Variants in NRF1 observed in about 807,000 individuals in gnomAD.
The protein encoded by NRF1 is nuclear respiratory factor 1.
NRF1 carries 5 observed loss-of-function variants against 58.5 expected under a neutral mutation model. The ratio of observed to expected loss-of-function variants is 0.09; its 90% CI spans 0.04 to 0.18. NRF1 has a LOEUF of 0.18. NRF1 is among the 10% of genes least tolerant of loss of function. The pLI is 1.00. For synonymous variants in NRF1, 224 were observed against 246.7 expected, an observed-to-expected ratio of 0.91 and a Z score of 0.86; for missense variants, 288 against 657.7, an observed-to-expected ratio of 0.44 and a Z score of 6.15.
rs530722916 is a variant in NRF1, at chr7:129,706,765, C to G, written c.607-2310C>G. 2.1e-3 allele frequency among the ~76,000 whole-genome samples: 312 copies of G among 152,128 alleles called. 3 individuals are homozygous for G. Among genetic ancestry groups the G allele is most frequent in the African/African-American group, 6.7e-3 (280 of 41,516 alleles). ...TCCACGTCCAGGTGCCAACGTGACC[C>G]AGAACTGAGGAGCATAAGGAACTAT... On this transcript the variant is annotated intron_variant, in intron 5 of 10. Transcript: ENST00000393232.
At position 129,690,910 on chromosome 7, in the gene NRF1, C is replaced by T. The variant is rs537137998; in HGVS notation, c.606+364C>T. The stretch of plus-strand genomic sequence containing the variant: ...GGTAGCCAAGTAAACTTTTAGCCCT[C>T]GGGCTGCTCTGCTCCTCTTTCAATG... On this transcript the variant is annotated intron_variant, in intron 5 of 10. Coordinates refer to ENST00000393232, the MANE Select transcript of NRF1 (RefSeq NM_005011.5). Among the ~76,000 whole-genome samples the T allele has an allele frequency of 8.5e-5, 13 of 152,288 alleles. No homozygotes were observed. In the South Asian group the frequency reaches 2.1e-3, roughly 24 times the overall value.
At chr7:129,643,061 G>C (rs1296302899) in intron 1 of NRF1, among the ~76,000 whole-genome samples, 2 of 152,142 alleles carry the variant, frequency 1.3e-5, no homozygotes, top group Non-Finnish European at 2.9e-5. Flanking sequence ...AATAATGTAG[G>C]AGTACCTGAT....
chr7:129,642,751 TA>T (rs34163578), intron 1 of NRF1, among the ~76,000 whole-genome samples: 50,618 of 143,488 alleles, frequency 0.35, 10,656 homozygotes, highest in African/African-American at 0.5. Context: ...ATACATTCTT[TA>T]AAAAATTTTT....
chr7:129,627,545 G>A lies in NRF1; in HGVS notation c.-7+15721G>A, dbSNP rs747520947. Among the ~76,000 whole-genome samples the A allele has an allele frequency of 6.6e-5, 10 of 152,182 alleles. No individual in the cohort carries two copies. In the South Asian group the frequency reaches 1.7e-3, roughly 25 times the overall value. ...AAAAAAGAGTAACATTTTGTATCCTGATCCTCAAGACCTTTGTAGGACTCC... is the reference window on the plus strand; with the variant it reads ...AAAAAAGAGTAACATTTTGTATCCTAATCCTCAAGACCTTTGTAGGACTCC... On this transcript the variant is annotated intron_variant, in intron 1 of 10. Coordinates refer to ENST00000393232, the MANE Select transcript of NRF1 (RefSeq NM_005011.5).
intron 2 of NRF1, among the ~76,000 whole-genome samples, chr7:129,662,149 C>A (rs559453994): frequency 6.6e-6 from 1 of 151,870 alleles, no homozygotes; most frequent in African/African-American, 2.4e-5. Context: ...AGGTTCCTCC[C>A]ACAACATGTG....
rs192537454 is a variant in NRF1, at chr7:129,651,891, A to C, written c.-6-5455A>C. ...AAGGGTAGCTTATCAGGTAGCTTAA[A>C]AATTCTTTTCTAATTTTGCCATAAT... On this transcript the variant is annotated intron_variant, in intron 1 of 10. Coordinates refer to ENST00000393232, the MANE Select transcript of NRF1 (RefSeq NM_005011.5). Among the ~76,000 whole-genome samples the C allele has an allele frequency of 8.8e-3, 1,347 of 152,290 alleles. 16 individuals carry two copies. The highest frequency in any genetic ancestry group is 0.031 in the African/African-American group (1,282 of 41,548).
chr7:129,677,507 C>G (rs1454570773), intron 3 of NRF1, 125 bp from the exon 4 acceptor site: 1 of 840,038 alleles, frequency 1.2e-6, no homozygotes, highest in East Asian at 2.6e-5. Context: ...TCACATTCCC[C>G]TTTTCACATT....
chr7:129,624,641 G>A (rs921024511), intron 1 of NRF1, among the ~76,000 whole-genome samples: 1 of 151,994 alleles, frequency 6.6e-6, no homozygotes, highest in African/African-American at 2.4e-5. Context: ...TTGGATGGTT[G>A]GAAAGTTTTC....
intron 1 of NRF1, among the ~76,000 whole-genome samples, chr7:129,614,671 A>T (rs911194161): frequency 1.3e-4 from 20 of 152,116 alleles, no homozygotes; most frequent in African/African-American, 4.6e-4. Flanking sequence ...AGAAGGAGCT[A>T]TAGAAGTAGA....
At chr7:129,615,702 G>A (rs958176410) in intron 1 of NRF1, among the ~76,000 whole-genome samples, 4 of 152,148 alleles carry the variant, frequency 2.6e-5, no homozygotes, top group Admixed American at 2.0e-4. Flanking sequence ...TGTTTTTTGA[G>A]TCTCAAGATA....
intron 1 of NRF1, among the ~76,000 whole-genome samples, chr7:129,629,662 A>G (rs1801004643): frequency 6.6e-6 from 1 of 152,234 alleles, no homozygotes; most frequent in Non-Finnish European, 1.5e-5. Context: ...CGCTTTATGC[A>G]TACTTTCCAT....
intron 5 of NRF1, among the ~76,000 whole-genome samples, chr7:129,694,509 C>T (rs773664023): frequency 1.3e-5 from 2 of 152,102 alleles, no homozygotes; most frequent in Non-Finnish European, 2.9e-5. Context: ...GGACTACAGG[C>T]ATGCGCCACC....
chr7:129,663,132 T>C (rs1337717217), intron 2 of NRF1, among the ~76,000 whole-genome samples: 3 of 152,244 alleles, frequency 2.0e-5, no homozygotes, highest in African/African-American at 4.8e-5. Context: ...CAGAACAAAA[T>C]GGAGTCTCCT....
chr7:129,680,686 C>T (rs1802288109), intron 4 of NRF1, among the ~76,000 whole-genome samples: 2 of 152,104 alleles, frequency 1.3e-5, no homozygotes, highest in South Asian at 4.1e-4. Flanking sequence ...AGCAAAAGAA[C>T]CCAGTCACAA....
At chr7:129,641,711 G>A (rs1022172136) in intron 1 of NRF1, 3 of 151,978 alleles carry the variant, frequency 2.0e-5, no homozygotes, top group African/African-American at 7.3e-5. Context: ...ATGGAATCTC[G>A]CTTTGTCACC....
intron 5 of NRF1, among the ~76,000 whole-genome samples, chr7:129,698,844 T>A (rs1179876128): frequency 6.6e-6 from 1 of 152,196 alleles, no homozygotes; most frequent in Non-Finnish European, 1.5e-5. Context: ...CTTTAAGCAA[T>A]AATTATGATT....
intron 1 of NRF1, among the ~76,000 whole-genome samples, chr7:129,624,695 T>C (rs1800875933): frequency 6.6e-6 from 1 of 152,110 alleles, no homozygotes; most frequent in African/African-American, 2.4e-5. Context: ...TTATTATTAT[T>C]TTTTGGAGAC....
chr7:129,752,688 T>C (rs1380749992), intron 10 of NRF1, among the ~76,000 whole-genome samples: 1 of 151,912 alleles, frequency 6.6e-6, no homozygotes, highest in Non-Finnish European at 1.5e-5. Context: ...CTCGTCACTA[T>C]TTAAAAAAAT....
At chr7:129,623,175 A>G (rs1222940136) in intron 1 of NRF1, among the ~76,000 whole-genome samples, 2 of 152,166 alleles carry the variant, frequency 1.3e-5, no homozygotes, top group African/African-American at 2.4e-5. Flanking sequence ...TTTCCTTCAC[A>G]TATTAACTTG....
Sources: gnomAD v4.1 joint callset for allele counts (sites outside exome capture counted in the v4.1 genomes callset) on GRCh38, gnomAD v4.1.1 for gene constraint, MANE v1.5 for transcripts, NCBI Gene and HGNC (gene_info 2026-07-23, HGNC 2026-07-21) for gene names.